Variants in MAP6 observed in about 807,000 individuals in gnomAD.
The protein encoded by MAP6 is microtubule associated protein 6.
In MAP6, 26 loss-of-function variants were observed where a neutral mutation model predicts 42.4. That is an observed-to-expected ratio of 0.61 (90% CI 0.45 to 0.85). The LOEUF is 0.85. Ranked by LOEUF, MAP6 falls within the 40% of genes least tolerant of loss-of-function variation. The probability of loss-of-function intolerance (pLI) is 0.00; values close to 1 mark genes in which losing one functional copy is unlikely to be tolerated. For synonymous variants in MAP6, 418 were observed against 443.8 expected (o/e 0.94, Z 0.73); for missense variants, 966 against 1,099.0 (o/e 0.88, Z 1.71).
In MAP6 at chr11:75,668,376, A is replaced by C. The variant is rs771351712; in HGVS notation, c.-7T>G. On this transcript the variant is annotated 5_prime_UTR_variant, in exon 1 of 4. Transcript: ENST00000304771. ...TGATGCACGGCCACGCCATGATGCT[A>C]GCTGAAAAGCCGGCCTCCTCTTTCT... The C allele has an allele frequency of 1.4e-5, 22 of 1,565,702 alleles. No individual in the cohort carries two copies. Among genetic ancestry groups the C allele is most frequent in the Middle Eastern group, 3.4e-4 (2 of 5,956 alleles).
chr11:75,588,531 G>C (rs1264305818), intron 3 of MAP6, among the ~76,000 whole-genome samples: 1 of 152,144 alleles, frequency 6.6e-6, no homozygotes. Flanking sequence ...ATTCCATCCA[G>C]GTCCCTACTT....
At chr11:75,590,982 G>T (rs28464866) in intron 3 of MAP6, among the ~76,000 whole-genome samples, 1 of 150,982 alleles carries the variant, frequency 6.6e-6, no homozygotes, top group Non-Finnish European at 1.5e-5. Flanking sequence ...AAAAAAAAAA[G>T]AAAAAAGTTT....
At chr11:75,641,222 A>T (rs555505269) in intron 1 of MAP6, among the ~76,000 whole-genome samples, 7 of 151,766 alleles carry the variant, frequency 4.6e-5, no homozygotes, top group Non-Finnish European at 7.4e-5. Context: ...TTCTCAGCAA[A>T]CTATTGCAAA....
chr11:75,612,247 T>C (rs760690064), intron 1 of MAP6, among the ~76,000 whole-genome samples: 31 of 152,228 alleles, frequency 2.0e-4, no homozygotes, highest in Non-Finnish European at 1.9e-4. Flanking sequence ...CATTCATTCA[T>C]TCATCCATTC....
intron 3 of MAP6, among the ~76,000 whole-genome samples, chr11:75,597,770 CT>C (rs1159555004): frequency 1.3e-5 from 2 of 152,158 alleles, no homozygotes; most frequent in Non-Finnish European, 2.9e-5. Flanking sequence ...ATAGGGTGTG[CT>C]TAGAGAGCAG....
At chr11:75,594,935 T>C (rs1565253277) in intron 3 of MAP6, among the ~76,000 whole-genome samples, 4 of 152,204 alleles carry the variant, frequency 2.6e-5, no homozygotes, top group Admixed American at 2.6e-4. Context: ...CTTATCGGCC[T>C]GTGTCTCTTC....
intron 3 of MAP6, chr11:75,603,746 AGCACAGTGCCTG>A: frequency 2.0e-6 from 2 of 985,028 alleles, no homozygotes; most frequent in Non-Finnish European, 2.4e-6. Flanking sequence ...CACCACGCCT[AGCACAGTGCCTG>A]GCACACGGGC....
intron 3 of MAP6, among the ~76,000 whole-genome samples, chr11:75,600,164 C>T (rs1942641723): frequency 6.6e-6 from 1 of 152,104 alleles, no homozygotes; most frequent in Non-Finnish European, 1.5e-5. Context: ...CGTGAAGTGA[C>T]ATGTTTAGTG....
intron 1 of MAP6, among the ~76,000 whole-genome samples, chr11:75,626,836 G>A (rs982075228): frequency 6.6e-6 from 1 of 152,164 alleles, no homozygotes; most frequent in Non-Finnish European, 1.5e-5. Context: ...AAGACAAGGA[G>A]CCCACAATCT....
intron 1 of MAP6, among the ~76,000 whole-genome samples, chr11:75,624,143 T>C (rs1212825811): frequency 6.6e-6 from 1 of 152,234 alleles, no homozygotes; most frequent in East Asian, 1.9e-4. Flanking sequence ...AGCAACCTGC[T>C]AACTCTAGGA....
intron 1 of MAP6, among the ~76,000 whole-genome samples, chr11:75,628,635 A>C (rs1420458945): frequency 6.6e-6 from 1 of 152,230 alleles, no homozygotes; most frequent in Non-Finnish European, 1.5e-5. Context: ...TGACTATTAC[A>C]TAGGACTGAA....
intron 1 of MAP6, among the ~76,000 whole-genome samples, chr11:75,632,330 T>G (rs1264873651): frequency 6.6e-6 from 1 of 152,182 alleles, no homozygotes; most frequent in African/African-American, 2.4e-5. Flanking sequence ...GATCACTTTT[T>G]CAGATGTTAT....
intron 1 of MAP6, among the ~76,000 whole-genome samples, chr11:75,643,978 C>T (rs1296395184): frequency 2.0e-5 from 3 of 152,198 alleles, no homozygotes; most frequent in Non-Finnish European, 2.9e-5. Flanking sequence ...TACCAATTTG[C>T]ATTTCAACAT....
At chr11:75,626,994 G>C (rs531749299) in intron 1 of MAP6, among the ~76,000 whole-genome samples, 19 of 152,324 alleles carry the variant, frequency 1.2e-4, no homozygotes, top group African/African-American at 4.6e-4. Context: ...ATTGTGACGG[G>C]TGGCAGAAAA....
chr11:75,605,381 T>C (rs1942742152), intron 3 of MAP6: 1 of 988,468 alleles, frequency 1.0e-6, no homozygotes, highest in African/African-American at 1.7e-5. Flanking sequence ...GACGATTCTC[T>C]GAATTTTTGA....
At chr11:75,653,951 C>A (rs1943694413) in intron 1 of MAP6, among the ~76,000 whole-genome samples, 1 of 152,192 alleles carries the variant, frequency 6.6e-6, no homozygotes, top group Non-Finnish European at 1.5e-5. Context: ...GTGCTGAGCA[C>A]TGTATGTACA....
intron 1 of MAP6, among the ~76,000 whole-genome samples, chr11:75,633,860 A>AGC (rs1943323926): frequency 6.6e-6 from 1 of 152,196 alleles, no homozygotes; most frequent in South Asian, 2.1e-4. Flanking sequence ...GGCCTTGGAT[A>AGC]ACAGAGAGAG....
At chr11:75,640,709 T>C (rs1413170635) in intron 1 of MAP6, among the ~76,000 whole-genome samples, 5 of 152,226 alleles carry the variant, frequency 3.3e-5, no homozygotes, top group African/African-American at 1.2e-4. Context: ...AAGACATTCA[T>C]GCAGTCAAAA....
Position 75,606,003 on chromosome 11 carries a change from A to G in MAP6, c.1121T>C (p.Val374Ala), listed in dbSNP as rs750757979. 9 of 1,613,256 alleles carry G rather than the reference A, an allele frequency of 5.6e-6. No individual in the cohort carries two copies. In the South Asian group the frequency reaches 9.9e-5, roughly 18 times the overall value. Residue 374 changes from valine (V) to alanine (A), a missense_variant and splice_region_variant, in exon 3 of 4, where the codon GTG becomes GCG. Physicochemically the swap from Val to Ala is moderately conservative, Grantham distance 64. Transcript: ENST00000304771. ...GGAACTCTGAACACTAGGTTTTTCCACCTGTACGGAGAGACAGACCGCAAA... is the reference window on the plus strand; with the variant it reads ...GGAACTCTGAACACTAGGTTTTTCCGCCTGTACGGAGAGACAGACCGCAAA... ...YSEPFKEPPK[V>A]EKPSVQSSKP...
Sources: gnomAD v4.1 joint callset for allele counts (sites outside exome capture counted in the v4.1 genomes callset) on GRCh38, gnomAD v4.1.1 for gene constraint, MANE v1.5 for transcripts, NCBI Gene and HGNC (gene_info 2026-07-23, HGNC 2026-07-21) for gene names.